SLC1A2: variants seen among roughly 807,000 people sequenced by gnomAD.
SLC1A2 encodes solute carrier family 1 member 2, also known as excitatory amino acid transporter 2.
Under a neutral mutation model 48.8 loss-of-function variants are expected in SLC1A2, and 15 were observed. That is an observed-to-expected ratio of 0.31 (90% CI 0.21 to 0.47). SLC1A2 has a LOEUF of 0.47. Among genes scored for constraint, SLC1A2 ranks in the 20% least tolerant of loss-of-function variants. The probability of loss-of-function intolerance (pLI) is 0.99; values close to 1 mark genes in which losing one functional copy is unlikely to be tolerated. For synonymous variants in SLC1A2, 279 were observed against 272.6 expected (o/e 1.02, Z -0.23); for missense variants, 502 against 730.5 (o/e 0.69, Z 3.61).
chr11:35,362,866 ATTTATCAC>A (rs947148635), intron 1 of SLC1A2, among the ~76,000 whole-genome samples: 26 of 152,134 alleles, frequency 1.7e-4, no homozygotes, highest in African/African-American at 5.3e-4. Context: ...TTTTGGTGAC[ATTTATCAC>A]TTTAGGACAA....
chr11:35,385,204 C>G (rs1334550133), intron 1 of SLC1A2, among the ~76,000 whole-genome samples: 3 of 152,214 alleles, frequency 2.0e-5, no homozygotes, highest in African/African-American at 7.2e-5. Flanking sequence ...TGTCCAAGCT[C>G]AAACCATCCC....
intron 9 of SLC1A2, among the ~76,000 whole-genome samples, chr11:35,270,650 AGTGCTACAGG>A (rs1850256810): frequency 6.6e-6 from 1 of 152,230 alleles, no homozygotes; most frequent in Non-Finnish European, 1.5e-5. Context: ...ATGAGTACAG[AGTGCTACAGG>A]GTCATGTAGG....
At chr11:35,395,072 A>T (rs752774471) in intron 1 of SLC1A2, among the ~76,000 whole-genome samples, 39 of 151,988 alleles carry the variant, frequency 2.6e-4, no homozygotes, top group Non-Finnish European at 4.7e-4. Flanking sequence ...GACTTCAGGA[A>T]CACCCCCCAA....
chr11:35,272,395 C>G (rs903456712), intron 9 of SLC1A2, among the ~76,000 whole-genome samples: 9 of 152,200 alleles, frequency 5.9e-5, no homozygotes, highest in Non-Finnish European at 1.3e-4. Flanking sequence ...CCTCTCATGC[C>G]AGGTTTCTCT....
intron 1 of SLC1A2, among the ~76,000 whole-genome samples, chr11:35,325,020 T>C (rs1388482057): frequency 6.6e-6 from 1 of 152,142 alleles, no homozygotes; most frequent in Non-Finnish European, 1.5e-5. Flanking sequence ...GCCTGTCAAT[T>C]CTGAAGTAAT....
At chr11:35,297,638 T>G (rs1396925944) in intron 6 of SLC1A2, 1 of 152,188 alleles carries the variant, frequency 6.6e-6, no homozygotes, top group Admixed American at 6.5e-5. Flanking sequence ...TTTAAGTTTT[T>G]CAAATTTTGA....
At chr11:35,397,654 G>A (rs1855005552) in intron 1 of SLC1A2, among the ~76,000 whole-genome samples, 1 of 152,160 alleles carries the variant, frequency 6.6e-6, no homozygotes. Flanking sequence ...ATTTGGAGGT[G>A]AGTTTTTGGG....
At chr11:35,359,340 A>G (rs1853597132) in intron 1 of SLC1A2, among the ~76,000 whole-genome samples, 1 of 152,258 alleles carries the variant, frequency 6.6e-6, no homozygotes, top group South Asian at 2.1e-4. Flanking sequence ...TTCAAGATCC[A>G]ATCATGGATG....
intron 1 of SLC1A2, among the ~76,000 whole-genome samples, chr11:35,377,877 GC>G (rs1174491338): frequency 6.6e-6 from 1 of 152,172 alleles, no homozygotes; most frequent in Non-Finnish European, 1.5e-5. Flanking sequence ...AAAATTGCAA[GC>G]ATTCTTTTTC....
chr11:35,299,965 C>A (rs954700254), intron 6 of SLC1A2, among the ~76,000 whole-genome samples: 5 of 152,088 alleles, frequency 3.3e-5, no homozygotes, highest in Non-Finnish European at 7.4e-5. Context: ...GGCAGACATA[C>A]AGGACCATCC....
At chr11:35,418,390 C>T (rs2135313869) in intron 1 of SLC1A2, 1 of 152,694 alleles carries the variant, frequency 6.5e-6, no homozygotes, top group East Asian at 1.9e-4. Context: ...TCTCTTCCAC[C>T]CTTCCTTAGA....
At chr11:35,403,962 C>G (rs1855209605) in intron 1 of SLC1A2, among the ~76,000 whole-genome samples, 1 of 35,160 alleles carries the variant, frequency 2.8e-5, no homozygotes, top group African/African-American at 7.4e-5. Flanking sequence ...CCTCTCTAAG[C>G]AAACATATGG....
chr11:35,408,797 T>C (rs953943924), intron 1 of SLC1A2, among the ~76,000 whole-genome samples: 6 of 152,234 alleles, frequency 3.9e-5, no homozygotes, highest in Admixed American at 6.5e-5. Context: ...TGTGCAAAAA[T>C]GTATTTCCTA....
Position 35,280,987 on chromosome 11 carries a change from A to G in SLC1A2, c.1301T>C (p.Leu434Pro). Residue 434 changes from leucine (L) to proline (P), a missense_variant, in exon 9 of 11, where the codon CTG (leucine) becomes CCG (proline). By Grantham distance (98) the Leu-to-Pro change is moderately conservative. Coordinates refer to ENST00000278379, the MANE Select transcript of SLC1A2 (RefSeq NM_004171.4). ...GATACTGGCCGCGCCGACGCTTGCC[A>G]GGGTGGCTGTGAGGCTATGAGAACA... ...QIVTVSLTATLASVGAASIPS... is the reference protein window; with the variant it reads ...QIVTVSLTATPASVGAASIPS... The G allele has an allele frequency of 1.9e-6, 3 of 1,609,804 alleles. No homozygotes were observed. Among genetic ancestry groups the G allele is most frequent in the Non-Finnish European group, 2.5e-6 (3 of 1,178,278 alleles).
chr11:35,278,199 A>G (rs1354724370), intron 9 of SLC1A2, among the ~76,000 whole-genome samples: 1 of 149,796 alleles, frequency 6.7e-6, no homozygotes, highest in African/African-American at 2.5e-5. Context: ...AGGAAAATCT[A>G]TGGCCTTCCT....
intron 6 of SLC1A2, among the ~76,000 whole-genome samples, chr11:35,300,784 G>T (rs1851328914): frequency 6.6e-6 from 1 of 152,188 alleles, no homozygotes; most frequent in Non-Finnish European, 1.5e-5. Context: ...GGGAGGCCTA[G>T]GTGGGAAGAT....
rs570591286 is a variant in SLC1A2, at chr11:35,317,129, C to T, written c.157+248G>A. On this transcript the variant is annotated intron_variant, in intron 2 of 10. Coordinates refer to ENST00000278379, the MANE Select transcript of SLC1A2 (RefSeq NM_004171.4). ...AAGTCTCCATAAGTATAGGAATCCACATGCCAACACTCTCACAAGATATTT... is the reference window on the plus strand; with the variant it reads ...AAGTCTCCATAAGTATAGGAATCCATATGCCAACACTCTCACAAGATATTT... The T allele has an allele frequency of 1.1e-4, 50 of 467,610 alleles. 1 individual carries two copies. In the East Asian group the frequency reaches 1.4e-3, roughly 13 times the overall value. The allele number at this position is 467,610 out of a possible 1,614,324, so 29.0% of individuals were successfully genotyped here. A position where few individuals can be genotyped will look rare whatever the true frequency, so the allele number is the denominator to read the frequency against.
At position 35,294,298 on chromosome 11, in the gene SLC1A2, T is replaced by G. The variant is rs186332264; in HGVS notation, c.858-1778A>C. 1.4e-3 allele frequency among the ~76,000 whole-genome samples: 206 copies of G among 152,324 alleles called. 1 individual carries two copies. The highest frequency in any genetic ancestry group is 2.5e-3 in the Non-Finnish European group (173 of 68,020). On this transcript the variant is annotated intron_variant, in intron 6 of 10. Coordinates refer to ENST00000278379, the MANE Select transcript of SLC1A2 (RefSeq NM_004171.4). The stretch of plus-strand genomic sequence containing the variant: ...TAGCTGCTCTCTTCCCATATGAGAA[T>G]CTAGCCTGAAGGTCCTACTTTTCCT...
Position 35,274,798 on chromosome 11 carries a change from G to A in SLC1A2, c.1421+6069C>T, listed in dbSNP as rs143330554. ...TCATAATCTGCTGTGACTTTCAAAC[G>A]AGCCCATGTAAAGTGCTTAGAACAA... On this transcript the variant is annotated intron_variant, in intron 9 of 10. Transcript: ENST00000278379. 9.9e-5 allele frequency among the ~76,000 whole-genome samples: 15 copies of A among 152,274 alleles called. No individual in the cohort carries two copies. The East Asian group carries it at 2.9e-3, about 29-fold the overall frequency.
Sources: gnomAD v4.1 joint callset for allele counts (sites outside exome capture counted in the v4.1 genomes callset) on GRCh38, gnomAD v4.1.1 for gene constraint, MANE v1.5 for transcripts, NCBI Gene and HGNC (gene_info 2026-07-23, HGNC 2026-07-21) for gene names.